Variants in NPAS3 observed in about 807,000 individuals in gnomAD.
NPAS3 encodes neuronal PAS domain protein 3.
Under a neutral mutation model 73.1 loss-of-function variants are expected in NPAS3, and 14 were observed. The observed-to-expected ratio is 0.19, with a 90% confidence interval of 0.13 to 0.30. NPAS3 has a LOEUF of 0.30. Ranked by LOEUF, NPAS3 falls within the 10% of genes least tolerant of loss-of-function variation. The pLI is 1.00. For missense variants in NPAS3, 1,096 were observed against 1,250.0 expected, an observed-to-expected ratio of 0.88 and a Z score of 1.86; for synonymous variants, 620 against 541.5, an observed-to-expected ratio of 1.14 and a Z score of -2.01.
chr14:33,004,057 T>C (rs2038902467), intron 1 of NPAS3, among the ~76,000 whole-genome samples: 1 of 152,174 alleles, frequency 6.6e-6, no homozygotes, highest in Non-Finnish European at 1.5e-5. Context: ...AAATGGGAGT[T>C]ATGCAATCAT....
chr14:33,792,860 C>T (rs921552063), intron 9 of NPAS3, among the ~76,000 whole-genome samples: 2 of 152,192 alleles, frequency 1.3e-5, no homozygotes, highest in African/African-American at 2.4e-5. Context: ...GTGCACACTG[C>T]CCTCTAGTGG....
chr14:33,354,333 C>T (rs1414306968), intron 3 of NPAS3, among the ~76,000 whole-genome samples: 1 of 152,142 alleles, frequency 6.6e-6, no homozygotes, highest in Non-Finnish European at 1.5e-5. Context: ...TCAGGGCTCT[C>T]CCATGACATT....
At chr14:33,240,857 G>A (rs980575149) in intron 3 of NPAS3, among the ~76,000 whole-genome samples, 1 of 151,702 alleles carries the variant, frequency 6.6e-6, no homozygotes, top group African/African-American at 2.4e-5. Context: ...TGTAGGTTTG[G>A]CCTCTGCAGC....
chr14:33,795,260 C>A (rs2063478643), intron 10 of NPAS3, among the ~76,000 whole-genome samples: 1 of 151,852 alleles, frequency 6.6e-6, no homozygotes, highest in South Asian at 2.1e-4. Context: ...TTTCTATTTC[C>A]TTTTTTTTGA....
chr14:33,562,085 C>T (rs1262318508), intron 5 of NPAS3, among the ~76,000 whole-genome samples: 2 of 152,116 alleles, frequency 1.3e-5, no homozygotes, highest in South Asian at 2.1e-4. Context: ...ATATATGGAT[C>T]GGATTTTCAA....
intron 3 of NPAS3, among the ~76,000 whole-genome samples, chr14:33,311,014 G>A (rs1001041904): frequency 1.6e-4 from 24 of 152,130 alleles, no homozygotes; most frequent in Non-Finnish European, 7.3e-5. Context: ...TTTGTGCCAC[G>A]TGGTGTATGG....
intron 3 of NPAS3, among the ~76,000 whole-genome samples, chr14:33,280,670 A>G (rs553831794): frequency 6.6e-6 from 1 of 152,368 alleles, no homozygotes; most frequent in South Asian, 2.1e-4. Context: ...TACTGGGCCA[A>G]TAATATGTTG....
chr14:33,232,541 T>G (rs958483591), intron 3 of NPAS3, among the ~76,000 whole-genome samples: 1 of 152,184 alleles, frequency 6.6e-6, no homozygotes, highest in Non-Finnish European at 1.5e-5. Context: ...ATTCATTCCC[T>G]TCTTCTGCGT....
At chr14:33,486,420 A>G (rs1035448761) in intron 4 of NPAS3, among the ~76,000 whole-genome samples, 1 of 152,172 alleles carries the variant, frequency 6.6e-6, no homozygotes. Context: ...TTAACATAAA[A>G]GCTCTCTGTG....
At chr14:33,717,405 T>G (rs9285571) in intron 6 of NPAS3, among the ~76,000 whole-genome samples, 92,769 of 151,722 alleles carry the variant, frequency 0.61, 29,240 homozygotes, top group Non-Finnish European at 0.69. Context: ...CCTGAAATCC[T>G]AACTGTTCAG....
chr14:33,616,263 C>T (rs984881859), intron 5 of NPAS3, among the ~76,000 whole-genome samples: 4 of 152,130 alleles, frequency 2.6e-5, no homozygotes, highest in Non-Finnish European at 4.4e-5. Context: ...CCCTCACAGA[C>T]GAAGATGTGA....
chr14:33,348,211 G>T (rs2044841351), intron 3 of NPAS3, among the ~76,000 whole-genome samples: 1 of 152,132 alleles, frequency 6.6e-6, no homozygotes, highest in South Asian at 2.1e-4. Context: ...GCAAAATCAT[G>T]ATTGAAATCT....
At chr14:33,254,311 C>T (rs561977237) in intron 3 of NPAS3, among the ~76,000 whole-genome samples, 3 of 152,204 alleles carry the variant, frequency 2.0e-5, no homozygotes, top group South Asian at 4.1e-4. Flanking sequence ...ACACACTTCT[C>T]GAAGTTCAAA....
At chr14:33,675,886 G>GTATT (rs1326630332) in intron 5 of NPAS3, among the ~76,000 whole-genome samples, 1 of 151,892 alleles carries the variant, frequency 6.6e-6, no homozygotes, top group Non-Finnish European at 1.5e-5. Context: ...AAACACGCAA[G>GTATT]TATTTGATGA....
intron 1 of NPAS3, among the ~76,000 whole-genome samples, chr14:33,030,252 T>G (rs1480845228): frequency 6.6e-6 from 1 of 152,184 alleles, no homozygotes; most frequent in African/African-American, 2.4e-5. Context: ...TATTAAGTTA[T>G]GTAATGGCAG....
chr14:33,357,414 C>G (rs951482320), intron 3 of NPAS3, among the ~76,000 whole-genome samples: 1 of 152,176 alleles, frequency 6.6e-6, no homozygotes. Flanking sequence ...GTGTGAGGCC[C>G]TGATTGCAGT....
intron 4 of NPAS3, among the ~76,000 whole-genome samples, chr14:33,536,473 T>C (rs928596656): frequency 1.7e-4 from 26 of 152,158 alleles, no homozygotes; most frequent in African/African-American, 6.0e-4. Flanking sequence ...AGAAAAATAT[T>C]ATCATGATTT....
intron 3 of NPAS3, among the ~76,000 whole-genome samples, chr14:33,220,278 A>G (rs1333442127): frequency 1.3e-5 from 2 of 152,130 alleles, no homozygotes; most frequent in Non-Finnish European, 2.9e-5. Flanking sequence ...TTTTGTCCCA[A>G]TCCATAGTAG....
At chr14:33,770,042 G>A (rs1454729657) in intron 7 of NPAS3, among the ~76,000 whole-genome samples, 2 of 152,018 alleles carry the variant, frequency 1.3e-5, no homozygotes, top group Admixed American at 6.6e-5. Flanking sequence ...TGGGGTTACA[G>A]GTGTGAGCCA....
Sources: gnomAD v4.1 joint callset for allele counts (sites outside exome capture counted in the v4.1 genomes callset) on GRCh38, gnomAD v4.1.1 for gene constraint, MANE v1.5 for transcripts, NCBI Gene and HGNC (gene_info 2026-07-23, HGNC 2026-07-21) for gene names.